ADGRB1: variants seen among roughly 807,000 people sequenced by gnomAD.
ADGRB1 encodes brain-specific angiogenesis inhibitor 1.
ADGRB1 carries 36 observed loss-of-function variants against 175.7 expected under a neutral mutation model. That is an observed-to-expected ratio of 0.20 (90% CI 0.16 to 0.27). The LOEUF (loss-of-function observed/expected upper bound fraction) is 0.27. Ranked by LOEUF, ADGRB1 falls within the 10% of genes least tolerant of loss-of-function variation. The pLI, the probability that ADGRB1 is intolerant of heterozygous loss-of-function variation, is 1.00. For synonymous variants in ADGRB1, 1,054 were observed against 979.4 expected (o/e 1.08, Z -1.42); for missense variants, 1,731 against 2,255.3 (o/e 0.77, Z 4.71).
chr8:142,526,675 C>T (rs1480618889), intron 24 of ADGRB1, 48 bp downstream of exon 24: 1 of 1,543,746 alleles, frequency 6.5e-7, no homozygotes, highest in East Asian at 2.3e-5. Flanking sequence ...GTGCAAGACC[C>T]AGAGCCCACC....
At chr8:142,473,316 C>T (rs890965203) in intron 2 of ADGRB1, among the ~76,000 whole-genome samples, 7 of 152,170 alleles carry the variant, frequency 4.6e-5, no homozygotes, top group African/African-American at 1.2e-4. Flanking sequence ...CTTAGGACCC[C>T]GTCTGTGCCT....
chr8:142,500,767 C>T (rs1842483366), intron 17 of ADGRB1, among the ~76,000 whole-genome samples: 1 of 152,090 alleles, frequency 6.6e-6, no homozygotes, highest in African/African-American at 2.4e-5. Context: ...GGCAGAGTGG[C>T]CCTGAGTGTC....
At position 142,450,077 on chromosome 8, in the gene ADGRB1, G is replaced by C. The variant is rs1009242992; in HGVS notation, c.-247G>C. 1 of 149,042 alleles carries C rather than the reference G, an allele frequency of 6.7e-6. No homozygotes were observed. Among genetic ancestry groups the C allele is most frequent in the African/African-American group, 2.5e-5 (1 of 40,668 alleles). 9.2% of individuals were successfully genotyped at this position (149,042 alleles called of 1,614,324 possible). A position where few individuals can be genotyped will look rare whatever the true frequency, so the allele number is the denominator to read the frequency against. On this transcript the variant is annotated 5_prime_UTR_variant, in exon 1 of 31. Transcript: ENST00000517894. The stretch of plus-strand genomic sequence containing the variant: ...TTGCAACTCGCCGGATCGAGTCCTC[G>C]CCGGCGGGGCCGCTGCTGCTGGGGA...
Position 142,477,094 on chromosome 8 carries a change from C to A in ADGRB1, c.1058-20C>A. Reference sequence around the variant, plus strand: ...AGCCCCATGGGCGGCAGGCCTGTGACGCTGTAGTGGGGCCTGCAGGTGACC... The same window carrying A: ...AGCCCCATGGGCGGCAGGCCTGTGAAGCTGTAGTGGGGCCTGCAGGTGACC... On this transcript the variant is annotated intron_variant, in intron 4 of 30. Transcript: ENST00000517894. 1.3e-6 allele frequency: 2 copies of A among 1,531,342 alleles called. No homozygotes were observed. Among genetic ancestry groups the A allele is most frequent in the Non-Finnish European group, 1.8e-6 (2 of 1,141,738 alleles). 94.9% of individuals were successfully genotyped at this position (1,531,342 alleles called of 1,614,324 possible).
chr8:142,466,333 G>A (rs1209916962), intron 2 of ADGRB1, among the ~76,000 whole-genome samples: 1 of 152,204 alleles, frequency 6.6e-6, no homozygotes, highest in African/African-American at 2.4e-5. Flanking sequence ...GCTACGCAGG[G>A]CTACAGAGGA....
At chr8:142,481,474 G>A in intron 10 of ADGRB1, 43 bp from the exon 11 acceptor site, 2 of 1,576,774 alleles carry the variant, frequency 1.3e-6, no homozygotes, top group Non-Finnish European at 1.7e-6. Context: ...GCCTGGACAT[G>A]TTCCACAGAG....
intron 1 of ADGRB1, among the ~76,000 whole-genome samples, chr8:142,450,766 C>A: frequency 6.6e-6 from 1 of 152,306 alleles, no homozygotes; most frequent in Middle Eastern, 3.4e-3. Flanking sequence ...TGGAGGTACT[C>A]TCCCCCACTT....
chr8:142,469,983 A>C (rs915078889), intron 2 of ADGRB1, among the ~76,000 whole-genome samples: 1 of 152,214 alleles, frequency 6.6e-6, no homozygotes, highest in African/African-American at 2.4e-5. Flanking sequence ...CCATGTCCCT[A>C]GCAGGCAACA....
At chr8:142,509,440 C>T (rs929387705) in intron 17 of ADGRB1, among the ~76,000 whole-genome samples, 4 of 152,198 alleles carry the variant, frequency 2.6e-5, no homozygotes, top group Non-Finnish European at 5.9e-5. Context: ...GGGGTCAGGG[C>T]TGCGTGTGGG....
rs201458837 is a variant in ADGRB1 at position 142,542,175 on chromosome 8, C to A, written c.3941C>A (p.Ala1314Glu). ...TCACTGACCCTCAAGAGGGACAAGG[C>A]GCCCAAGTCCTCCTTCGTCGGTGAC... ...NHSLTLKRDK[A>E]PKSSFVGDGD... is the part of the protein sequence containing the mutation. Residue 1314 changes from alanine (A) to glutamate (E), a missense_variant, in exon 28 of 31, where the codon GCG becomes GAG. Physicochemically the swap from Ala to Glu is moderately radical, Grantham distance 107. Around this residue, in one of 8 missense-constraint regions of ADGRB1, gnomAD observed 394 missense variants for 410.2 expected, o/e 0.96. Transcript: ENST00000517894. The surrounding 1 kb of genome is among the most constrained non-coding windows in gnomAD (Gnocchi z 6.3). 2.5e-6 allele frequency: 4 copies of A among 1,613,564 alleles called. No individual in the cohort carries two copies. Among genetic ancestry groups the A allele is most frequent in the Non-Finnish European group, 3.4e-6 (4 of 1,179,828 alleles).
intron 2 of ADGRB1, among the ~76,000 whole-genome samples, chr8:142,471,976 C>T (rs760064529): frequency 1.3e-5 from 2 of 152,218 alleles, no homozygotes; most frequent in African/African-American, 2.4e-5. Flanking sequence ...GGTCATCCCT[C>T]GGACACGCTG....
intron 18 of ADGRB1, among the ~76,000 whole-genome samples, chr8:142,516,209 C>CGTGTGTGCGGGCCCCAGGTGT (rs1843410229): frequency 7.6e-6 from 1 of 132,072 alleles, no homozygotes; most frequent in Non-Finnish European, 1.6e-5. Flanking sequence ...CAGGTGCATG[C>CGTGTGTGCGGGCCCCAGGTGT]GTGTGTGCGG....
chr8:142,502,335 AT>A (rs1156573460), intron 17 of ADGRB1, among the ~76,000 whole-genome samples: 2 of 26,270 alleles, frequency 7.6e-5, no homozygotes, highest in East Asian at 2.8e-3. Flanking sequence ...AGTGATGGTG[AT>A]GGTGGTGGTG....
intron 26 of ADGRB1, 148 bp from the exon 27 acceptor site, chr8:142,539,226 C>T (rs1845117895): frequency 5.5e-6 from 4 of 721,744 alleles, no homozygotes; most frequent in African/African-American, 1.8e-5. Context: ...GAGGCATGGT[C>T]GCCCACGTGG....
chr8:142,534,061 G>A (rs1844787963), intron 25 of ADGRB1, among the ~76,000 whole-genome samples: 1 of 152,226 alleles, frequency 6.6e-6, no homozygotes, highest in African/African-American at 2.4e-5. Context: ...TGGAGAGACG[G>A]CAGAGGGGCT....
At position 142,464,317 on chromosome 8, in the gene ADGRB1, C is replaced by T; in HGVS notation, c.119C>T (p.Pro40Leu). ...GCCGGAGCAGACGCGGGGCCCGGGC[C>T]CGAGCCGTGCGCCACGCTGGTGCAG... Reference protein sequence around the residue: ...AAAGADAGPGPEPCATLVQGK... With the variant: ...AAAGADAGPGLEPCATLVQGK... Residue 40 changes from proline (P) to leucine (L), a missense_variant, in exon 2 of 31, where the codon CCC becomes CTC. Coordinates refer to ENST00000517894, the MANE Select transcript of ADGRB1 (RefSeq NM_001702.3). 1 of 1,485,810 alleles carries T rather than the reference C, an allele frequency of 6.7e-7. No individual in the cohort carries two copies. The highest frequency in any genetic ancestry group is 8.9e-7 in the Non-Finnish European group (1 of 1,124,702). 92.0% of individuals were successfully genotyped at this position (1,485,810 alleles called of 1,614,324 possible).
At chr8:142,502,676 G>A (rs1842682999) in intron 17 of ADGRB1, among the ~76,000 whole-genome samples, 1 of 149,864 alleles carries the variant, frequency 6.7e-6, no homozygotes, top group East Asian at 1.9e-4. Flanking sequence ...TGGTAGTAAG[G>A]GTCGCATTGT....
In ADGRB1 at chr8:142,477,236, C is replaced by T; in HGVS notation, c.1180C>T (p.Leu394=). The T allele has an allele frequency of 6.3e-7, 1 of 1,598,924 alleles. No individual in the cohort carries two copies. Among genetic ancestry groups the T allele is most frequent in the Non-Finnish European group, 8.5e-7 (1 of 1,175,312 alleles). ...CTACAGCACGCAGTGCAGCGGACCCCTGCGCGAGCAGCGGCTGTGCAACAA... is the reference window on the plus strand; with the variant it reads ...CTACAGCACGCAGTGCAGCGGACCCTTGCGCGAGCAGCGGCTGTGCAACAA... The part of the protein sequence containing the change: ...SSYSTQCSGP[L]REQRLCNNSA... Residue 394 remains leucine, a synonymous_variant, in exon 5 of 31, where the codon CTG becomes TTG. Transcript: ENST00000517894.
chr8:142,541,931 G>A lies in ADGRB1; in HGVS notation c.3707-10G>A, dbSNP rs754603646. 3 of 1,537,710 alleles carry A rather than the reference G, an allele frequency of 2.0e-6. No homozygotes were observed. The highest frequency in any genetic ancestry group is 2.4e-5 in the South Asian group (2 of 83,774). On this transcript the variant is annotated splice_polypyrimidine_tract_variant and intron_variant, in intron 27 of 30. Transcript: ENST00000517894. ...ACCTGTCCCCGCTGTCTCCCCCGCG[G>A]CCCCTGCAGTGCTGAACAAGGACAT... is the stretch of plus-strand genomic sequence containing the variant.
Sources: gnomAD v4.1 joint callset for allele counts (sites outside exome capture counted in the v4.1 genomes callset) on GRCh38, gnomAD v4.1.1 for gene constraint, gnomAD v4.1.1 regional missense constraint, Gnocchi (gnomAD v3.1) non-coding constraint, MANE v1.5 for transcripts, NCBI Gene and HGNC (gene_info 2026-07-23, HGNC 2026-07-21) for gene names.